The following RAB3C variants were observed in gnomAD, a reference collection of about 807,000 sequenced individuals.
RAB3C encodes ras-related protein Rab-3C.
In RAB3C, 17 loss-of-function variants were observed where a neutral mutation model predicts 26.4. The ratio of observed to expected loss-of-function variants is 0.64; its 90% CI spans 0.44 to 0.97. RAB3C has a LOEUF of 0.97. Among genes scored for constraint, RAB3C ranks in the 50% least tolerant of loss-of-function variants. The pLI is 0.00. For missense variants in RAB3C, 242 were observed against 281.9 expected (o/e 0.86, Z 1.01); for synonymous variants, 91 against 95.9 (o/e 0.95, Z 0.30).
chr5:58,728,208 C>T (rs1740931646), intron 3 of RAB3C, among the ~76,000 whole-genome samples: 2 of 152,000 alleles, frequency 1.3e-5, no homozygotes, highest in African/African-American at 4.8e-5. Context: ...TTATTGAGCA[C>T]CTAACTTTGA....
chr5:58,702,724 T>A (rs954675543), intron 2 of RAB3C, among the ~76,000 whole-genome samples: 3 of 152,098 alleles, frequency 2.0e-5, no homozygotes, highest in Non-Finnish European at 4.4e-5. Flanking sequence ...AGAAAGATAA[T>A]AAGAGATACA....
intron 4 of RAB3C, among the ~76,000 whole-genome samples, chr5:58,849,046 T>C (rs1479980081): frequency 6.6e-6 from 1 of 152,224 alleles, no homozygotes; most frequent in Non-Finnish European, 1.5e-5. Context: ...CCTCAAATTG[T>C]ATACCAATAT....
chr5:58,783,836 G>C (rs1041478797), intron 3 of RAB3C, among the ~76,000 whole-genome samples: 1 of 152,186 alleles, frequency 6.6e-6, no homozygotes, highest in Non-Finnish European at 1.5e-5. Flanking sequence ...GGAACCTTGA[G>C]AAGTTATTGT....
At chr5:58,709,325 C>A (rs1306732335) in intron 2 of RAB3C, among the ~76,000 whole-genome samples, 1 of 152,164 alleles carries the variant, frequency 6.6e-6, no homozygotes, top group Non-Finnish European at 1.5e-5. Flanking sequence ...GCCCTGGGTG[C>A]CCATGGGACT....
chr5:58,601,127 G>A (rs1258441196), intron 1 of RAB3C, among the ~76,000 whole-genome samples: 2 of 151,950 alleles, frequency 1.3e-5, no homozygotes, highest in Admixed American at 6.6e-5. Flanking sequence ...TTTTAATTCT[G>A]TTATCTGGTG....
At chr5:58,726,146 A>G (rs1740884479) in intron 3 of RAB3C, 26 bp downstream of exon 3, 1 of 1,163,554 alleles carries the variant, frequency 8.6e-7, no homozygotes, top group South Asian at 1.3e-5. Context: ...TACTCTTATT[A>G]CTGATAATGA....
At chr5:58,816,881 T>TG (rs1486303321) in intron 3 of RAB3C, among the ~76,000 whole-genome samples, 5 of 152,158 alleles carry the variant, frequency 3.3e-5, no homozygotes, top group Admixed American at 2.0e-4. Flanking sequence ...TATGTTAAAC[T>TG]GGGCTTTTCT....
chr5:58,792,416 T>A (rs1489851764), intron 3 of RAB3C, among the ~76,000 whole-genome samples: 1 of 151,942 alleles, frequency 6.6e-6, no homozygotes, highest in Non-Finnish European at 1.5e-5. Flanking sequence ...AAACCAACCA[T>A]CTGAAGAAGG....
intron 3 of RAB3C, among the ~76,000 whole-genome samples, chr5:58,820,921 C>G (rs1743325932): frequency 1.3e-5 from 2 of 152,190 alleles, no homozygotes; most frequent in Admixed American, 1.3e-4. Context: ...GTCAGCAGAA[C>G]TGAGATACTC....
chr5:58,649,570 C>T (rs2111783492), intron 2 of RAB3C, among the ~76,000 whole-genome samples: 1 of 152,066 alleles, frequency 6.6e-6, no homozygotes, highest in South Asian at 2.1e-4. Flanking sequence ...TTAACCACCC[C>T]AGAGGAGCCC....
At chr5:58,640,779 C>T (rs940979330) in intron 2 of RAB3C, among the ~76,000 whole-genome samples, 2 of 152,168 alleles carry the variant, frequency 1.3e-5, no homozygotes, top group African/African-American at 4.8e-5. Flanking sequence ...GCTAATCACA[C>T]TTAACATCAT....
In RAB3C at chr5:58,601,196, T is replaced by G. The variant is rs561323310; in HGVS notation, c.25-16447T>G. Among the ~76,000 whole-genome samples the G allele has an allele frequency of 2.7e-4, 41 of 152,238 alleles. 1 individual carries two copies. The South Asian group carries it at 8.5e-3, about 32-fold the overall frequency. On this transcript the variant is annotated intron_variant, in intron 1 of 4. Coordinates refer to ENST00000282878, the MANE Select transcript of RAB3C (RefSeq NM_138453.4). Reference sequence around the variant, plus strand: ...TCCCTGCATATCTGGTATGAAACCCTCTTGATCATGGTGGATTATCTTTTT... The same window carrying G: ...TCCCTGCATATCTGGTATGAAACCCGCTTGATCATGGTGGATTATCTTTTT...
intron 1 of RAB3C, among the ~76,000 whole-genome samples, chr5:58,601,478 C>G (rs1435850721): frequency 6.6e-6 from 1 of 152,046 alleles, no homozygotes; most frequent in African/African-American, 2.4e-5. Flanking sequence ...TGTTCCTGGA[C>G]TTTTTTATGT....
intron 2 of RAB3C, among the ~76,000 whole-genome samples, chr5:58,690,395 T>C (rs906392277): frequency 6.6e-6 from 1 of 152,152 alleles, no homozygotes; most frequent in African/African-American, 2.4e-5. Context: ...GGACATGGTG[T>C]GGAGAATTCA....
intron 2 of RAB3C, among the ~76,000 whole-genome samples, chr5:58,648,448 C>T (rs1747573327): frequency 6.6e-6 from 1 of 152,140 alleles, no homozygotes; most frequent in Non-Finnish European, 1.5e-5. Context: ...GTGAAATGAG[C>T]TTCTCAATAT....
intron 3 of RAB3C, among the ~76,000 whole-genome samples, chr5:58,768,456 C>A (rs1273030534): frequency 6.6e-6 from 1 of 151,816 alleles, no homozygotes; most frequent in Non-Finnish European, 1.5e-5. Flanking sequence ...GGGAGGCAGA[C>A]AACAAATAAG....
intron 2 of RAB3C, among the ~76,000 whole-genome samples, chr5:58,709,594 T>C (rs73102329): frequency 0.058 from 8,904 of 152,268 alleles, 870 homozygotes; most frequent in African/African-American, 0.2. Context: ...TCAGAATTGG[T>C]AGGAAGTCAC....
At chr5:58,676,667 T>C (rs541835535) in intron 2 of RAB3C, among the ~76,000 whole-genome samples, 133 of 152,234 alleles carry the variant, frequency 8.7e-4, no homozygotes, top group Non-Finnish European at 1.2e-3. Flanking sequence ...ATGTCCTGCA[T>C]TGATGACCTG....
At position 58,789,890 on chromosome 5, in the gene RAB3C, T is replaced by C. The variant is rs570548772; in HGVS notation, c.372-35148T>C. ...CACACCAGGGCATTATTTCTCTATG[T>C]TGGTTGCACATTTTACCAACCTGAA... On this transcript the variant is annotated intron_variant, in intron 3 of 4. Coordinates refer to ENST00000282878, the MANE Select transcript of RAB3C (RefSeq NM_138453.4). 4.6e-5 allele frequency among the ~76,000 whole-genome samples: 7 copies of C among 152,324 alleles called. No homozygotes were observed. In the East Asian group the frequency reaches 1.4e-3, roughly 29 times the overall value.
Sources: allele counts gnomAD v4.1 joint callset (sites outside exome capture counted in the v4.1 genomes callset), GRCh38; gene constraint gnomAD v4.1.1; transcripts MANE v1.5; gene names NCBI Gene and HGNC (gene_info 2026-07-23, HGNC 2026-07-21).